The following GPR83 variants were observed in gnomAD, a reference collection of about 807,000 sequenced individuals.
GPR83 encodes the protein G protein-coupled receptor 83, also known as G-protein coupled receptor 72.
In GPR83, 23 loss-of-function variants were observed where a neutral mutation model predicts 28.0. The observed-to-expected ratio is 0.82, with a 90% confidence interval of 0.59 to 1.16. The LOEUF (loss-of-function observed/expected upper bound fraction) is 1.16, where lower values mean the gene tolerates loss of function less well. Among genes scored for constraint, GPR83 ranks in the 50% most tolerant of loss-of-function variants. GPR83 has a pLI of 0.00. For missense variants in GPR83, 610 were observed against 536.6 expected, an observed-to-expected ratio of 1.14 and a Z score of -1.35; for synonymous variants, 234 against 215.4, an observed-to-expected ratio of 1.09 and a Z score of -0.76.
chr11:94,396,869 C>CAAA (rs71459725), intron 1 of GPR83, among the ~76,000 whole-genome samples: 11 of 113,726 alleles, frequency 9.7e-5, no homozygotes, highest in Non-Finnish European at 1.1e-4. Flanking sequence ...TCCTCATTTG[C>CAAA]AAAAAAAAAA....
chr11:94,401,173 G>C lies in GPR83; in HGVS notation c.75C>G (p.Asp25Glu). Residue 25 changes from aspartate (D) to glutamate (E), a missense_variant, in exon 1 of 4, where the codon GAC becomes GAG. Coordinates refer to ENST00000243673, the MANE Select transcript of GPR83 (RefSeq NM_016540.4). ...RATEPHEGRA[D>E]EQSAEAALAV... ...CCAGGGCCGCCTCCGCGCTCTGCTC[G>C]TCGGCCCGGCCCTCGTGGGGCTCGG... 4 of 1,613,856 alleles carry C rather than the reference G, an allele frequency of 2.5e-6. No homozygotes were observed. Among genetic ancestry groups the C allele is most frequent in the Non-Finnish European group, 3.4e-6 (4 of 1,179,894 alleles).
rs1003886298 is a variant in GPR83 at position 94,379,948 on chromosome 11, A to G, written c.*201T>C. ...AGTGTTTCTTAGATGGGAATTTATG[A>G]ACACATGTCTAGTTGGTGGTGCCTT... On this transcript the variant is annotated 3_prime_UTR_variant, in exon 4 of 4. Transcript: ENST00000243673. The G allele has an allele frequency of 3.1e-5, 13 of 417,054 alleles. No individual in the cohort carries two copies. Among genetic ancestry groups the G allele is most frequent in the African/African-American group, 6.1e-5 (3 of 49,504 alleles). 25.8% of individuals were successfully genotyped at this position (417,054 alleles called of 1,614,324 possible).
rs1944910954 is a variant in GPR83, at chr11:94,401,367, G to T, written c.-120C>A. Reference sequence around the variant, plus strand: ...TACAAGGCCGTCCCGAGGAGCCAGGGAGCCCGGACGCGCGGAGCACCGCGC... The same window carrying T: ...TACAAGGCCGTCCCGAGGAGCCAGGTAGCCCGGACGCGCGGAGCACCGCGC... On this transcript the variant is annotated 5_prime_UTR_variant, in exon 1 of 4. Transcript: ENST00000243673. 2 of 965,530 alleles carry T rather than the reference G, an allele frequency of 2.1e-6. No individual in the cohort carries two copies. The highest frequency in any genetic ancestry group is 3.8e-5 in the Admixed American group (1 of 26,376). The allele number at this position is 965,530 out of a possible 1,614,324, so 59.8% of individuals were successfully genotyped here.
intron 3 of GPR83, among the ~76,000 whole-genome samples, chr11:94,390,854 C>T (rs376463687): frequency 6.3e-4 from 96 of 152,162 alleles, no homozygotes; most frequent in South Asian, 1.9e-3. Context: ...ACATTCCATG[C>T]TCATGGATAG....
Position 94,400,879 on chromosome 11 carries a change from G to T in GPR83, c.369C>A (p.Leu123=). The T allele has an allele frequency of 6.2e-7, 1 of 1,614,114 alleles. No homozygotes were observed. Among genetic ancestry groups the T allele is most frequent in the African/African-American group, 1.3e-5 (1 of 75,058 alleles). Residue 123 remains leucine (L), a synonymous_variant, in exon 1 of 4, where the codon CTC becomes CTA. Transcript: ENST00000243673. The part of the protein sequence containing the change: ...LAVADIMITL[L]NTPFTLVRFV... ...CCCTTACCAAAGTGAAGGGGGTGTT[G>T]AGCAGCGTGATCATTATGTCGGCAA...
rs200200146 is a variant in GPR83 at position 94,379,370 on chromosome 11, C to CAAAAAA, written c.*773_*778dup. 3.7e-5 allele frequency: 2 copies of CAAAAAA among 53,710 alleles called. No individual in the cohort carries two copies. The highest frequency in any genetic ancestry group is 7.6e-5 in the African/African-American group (1 of 13,208). The allele number at this position is 53,710 out of a possible 1,614,324, so 3.3% of individuals were successfully genotyped here. ...TGGGTGACAGAGCGAGATTCCATCT[C>CAAAAAA]AAAAAAAAAAAAAAAAAGAAAAAAA... On this transcript the variant is annotated 3_prime_UTR_variant, in exon 4 of 4. Coordinates refer to ENST00000243673, the MANE Select transcript of GPR83 (RefSeq NM_016540.4).
chr11:94,396,071 C>T (rs1944862812), intron 2 of GPR83, among the ~76,000 whole-genome samples: 1 of 152,098 alleles, frequency 6.6e-6, no homozygotes, highest in South Asian at 2.1e-4. Flanking sequence ...AGTACGAAAA[C>T]TAGCCAGGCG....
chr11:94,380,058 C>T lies in GPR83; in HGVS notation c.*91G>A. The T allele has an allele frequency of 9.5e-7, 1 of 1,055,180 alleles. No individual in the cohort carries two copies. Among genetic ancestry groups the T allele is most frequent in the Non-Finnish European group, 1.3e-6 (1 of 742,702 alleles). The allele number at this position is 1,055,180 out of a possible 1,614,324, so 65.4% of individuals were successfully genotyped here. A position where few individuals can be genotyped will look rare whatever the true frequency, so the allele number is the denominator to read the frequency against. On this transcript the variant is annotated 3_prime_UTR_variant, in exon 4 of 4. Coordinates refer to ENST00000243673, the MANE Select transcript of GPR83 (RefSeq NM_016540.4). ...CTACAGCTTCTGCAGGAGTGTGTTT[C>T]CAGCACTCTGAAGATCATGTGTGAG...
In GPR83 at chr11:94,401,176, G is replaced by A. The variant is rs1286035356; in HGVS notation, c.72C>T (p.Ala24=). The A allele has an allele frequency of 1.2e-6, 2 of 1,613,804 alleles. No homozygotes were observed. The highest frequency in any genetic ancestry group is 2.7e-5 in the African/African-American group (2 of 75,052). Residue 24 remains alanine, a synonymous_variant, in exon 1 of 4, where the codon GCC becomes GCT. Coordinates refer to ENST00000243673, the MANE Select transcript of GPR83 (RefSeq NM_016540.4). The part of the protein sequence containing the change: ...VRATEPHEGR[A]DEQSAEAALA... The stretch of plus-strand genomic sequence containing the variant: ...GGGCCGCCTCCGCGCTCTGCTCGTC[G>A]GCCCGGCCCTCGTGGGGCTCGGTGG...
chr11:94,390,326 A>G (rs1012226726), intron 3 of GPR83, among the ~76,000 whole-genome samples: 21 of 152,270 alleles, frequency 1.4e-4, no homozygotes, highest in Non-Finnish European at 2.4e-4. Context: ...TAAAAAAGAA[A>G]AAAAAAAGAA....
chr11:94,401,267 C>A lies in GPR83; in HGVS notation c.-20G>T. 4 of 1,564,404 alleles carry A rather than the reference C, an allele frequency of 2.6e-6. No homozygotes were observed. The highest frequency in any genetic ancestry group is 1.2e-5 in the South Asian group (1 of 84,694). The stretch of plus-strand genomic sequence containing the variant: ...GACCATTTTGCAGGAGCCACCCCTC[C>A]CCTGGGAGCCTGCGGGCCGGGCGTC... On this transcript the variant is annotated 5_prime_UTR_variant, in exon 1 of 4. An upstream open reading frame in the 5' UTR gains an earlier in-frame stop. Transcript: ENST00000243673.
At chr11:94,384,669 C>T (rs537687575) in intron 3 of GPR83, among the ~76,000 whole-genome samples, 48 of 152,336 alleles carry the variant, frequency 3.2e-4, no homozygotes, top group Non-Finnish European at 5.1e-4. Context: ...TCCGCCATTG[C>T]TGAGGCTTGA....
chr11:94,389,552 A>T (rs1040078544), intron 3 of GPR83, among the ~76,000 whole-genome samples: 32 of 152,372 alleles, frequency 2.1e-4, no homozygotes, highest in African/African-American at 7.5e-4. Context: ...TTATGCAGCC[A>T]ACAGACACAT....
intron 3 of GPR83, among the ~76,000 whole-genome samples, chr11:94,381,303 T>C (rs1591600073): frequency 6.6e-6 from 1 of 152,120 alleles, no homozygotes; most frequent in Admixed American, 6.5e-5. Context: ...GGAATATCCA[T>C]GTGGCTTGGT....
At chr11:94,396,033 G>A (rs10741488) in intron 2 of GPR83, among the ~76,000 whole-genome samples, 101,383 of 152,046 alleles carry the variant, frequency 0.67, 33,893 homozygotes, top group South Asian at 0.77. Flanking sequence ...CAGCCTGGCC[G>A]ACATGGCAAA....
In GPR83 at chr11:94,401,138, T is replaced by C. The variant is rs1158723925; in HGVS notation, c.110A>G (p.Asn37Ser). The C allele has an allele frequency of 5.0e-6, 8 of 1,613,998 alleles. No homozygotes were observed. The highest frequency in any genetic ancestry group is 1.6e-4 in the Middle Eastern group (1 of 6,084). ...GTTCCAAGAGAAGAAGTGCGAGGCA[T>C]TGGGCACGGCCAGGGCCGCCTCCGC... ...QSAEAALAVP[N>S]ASHFFSWNNY... Residue 37 changes from asparagine (N) to serine (S), a missense_variant, in exon 1 of 4, where the codon AAT (asparagine) becomes AGT (serine). Physicochemically the swap from Asn to Ser is conservative, Grantham distance 46. Coordinates refer to ENST00000243673, the MANE Select transcript of GPR83 (RefSeq NM_016540.4).
intron 3 of GPR83, among the ~76,000 whole-genome samples, chr11:94,381,004 T>C (rs1324686349): frequency 6.6e-6 from 1 of 152,202 alleles, no homozygotes; most frequent in Non-Finnish European, 1.5e-5. Context: ...CTGTGTTCTC[T>C]TAATCTTGTG....
At chr11:94,399,332 G>C (rs1401128418) in intron 1 of GPR83, among the ~76,000 whole-genome samples, 1 of 152,232 alleles carries the variant, frequency 6.6e-6, no homozygotes, top group East Asian at 1.9e-4. Context: ...AGGCTGAAAG[G>C]AGATCAGAAC....
chr11:94,383,186 C>G (rs1412257248), intron 3 of GPR83, among the ~76,000 whole-genome samples: 1 of 151,440 alleles, frequency 6.6e-6, no homozygotes, highest in Non-Finnish European at 1.5e-5. Context: ...GAAACTCACT[C>G]AAAACCACAC....
Sources: gnomAD v4.1 joint callset for allele counts (sites outside exome capture counted in the v4.1 genomes callset) on GRCh38, gnomAD v4.1.1 for gene constraint, MANE v1.5 for transcripts, NCBI Gene and HGNC (gene_info 2026-07-23, HGNC 2026-07-21) for gene names.